DENND5B: variants seen among roughly 807,000 people sequenced by gnomAD.
DENND5B encodes the protein DENN domain containing 5B.
In DENND5B, 34 loss-of-function variants were observed where a neutral mutation model predicts 140.6. The observed-to-expected ratio is 0.24, with a 90% CI of 0.18 to 0.32. The LOEUF is 0.32. DENND5B is among the 10% of genes least tolerant of loss of function. DENND5B has a pLI of 1.00. For synonymous variants in DENND5B, 551 were observed against 562.1 expected (o/e 0.98, Z 0.28); for missense variants, 1,142 against 1,560.2 (o/e 0.73, Z 4.52).
intron 1 of DENND5B, among the ~76,000 whole-genome samples, chr12:31,509,746 C>A (rs1044204458): frequency 3.9e-5 from 6 of 152,030 alleles, no homozygotes; most frequent in Non-Finnish European, 7.4e-5. Context: ...ATGAAAGGTG[C>A]AATGGAAAGT....
rs753322078 is a variant in DENND5B at position 31,442,867 on chromosome 12, T to C, written c.1920A>G (p.Leu640=). ...TGCCTTGACCAATTTTCATATCAAG[T>C]AGATGTGGGTGGATTGCAGTGTGAT... ...KMDHTAIHPH[L]LDMKIGQGKY... The change falls in exon 7 of 21, where the codon CTA becomes CTG. Residue 640 remains leucine (L), a synonymous_variant. Transcript: ENST00000389082. 1.2e-6 allele frequency: 2 copies of C among 1,610,642 alleles called. No homozygotes were observed. Among genetic ancestry groups the C allele is most frequent in the Non-Finnish European group, 1.7e-6 (2 of 1,178,414 alleles).
At chr12:31,509,404 G>A (rs1465441669) in intron 1 of DENND5B, among the ~76,000 whole-genome samples, 1 of 152,180 alleles carries the variant, frequency 6.6e-6, no homozygotes, top group Non-Finnish European at 1.5e-5. Context: ...TCTAAGGGGA[G>A]AGACCCATAG....
intron 13 of DENND5B, among the ~76,000 whole-genome samples, chr12:31,410,907 T>C (rs1220496569): frequency 1.3e-5 from 2 of 152,186 alleles, no homozygotes; most frequent in Non-Finnish European, 2.9e-5. Context: ...ACATATAGTG[T>C]ATCTTAATAA....
intron 14 of DENND5B, among the ~76,000 whole-genome samples, chr12:31,406,893 G>A (rs1312758544): frequency 1.3e-5 from 2 of 151,878 alleles, no homozygotes; most frequent in Admixed American, 6.6e-5. Context: ...TCTGCCTCCC[G>A]GGTTCAAGTG....
At chr12:31,454,155 A>AAG (rs1464092231) in intron 4 of DENND5B, among the ~76,000 whole-genome samples, 3 of 151,976 alleles carry the variant, frequency 2.0e-5, no homozygotes, top group Non-Finnish European at 2.9e-5. Flanking sequence ...AAAAAAAAAA[A>AAG]AAAAAATTTC....
At chr12:31,448,138 T>G (rs1212082274) in intron 5 of DENND5B, among the ~76,000 whole-genome samples, 1 of 152,030 alleles carries the variant, frequency 6.6e-6, no homozygotes, top group Non-Finnish European at 1.5e-5. Flanking sequence ...TAATTTCGTT[T>G]TTTTTTTTTC....
intron 1 of DENND5B, among the ~76,000 whole-genome samples, chr12:31,580,226 T>TAA (rs916179733): frequency 6.6e-6 from 1 of 151,192 alleles, no homozygotes; most frequent in African/African-American, 2.4e-5. Context: ...CATGTTTGCT[T>TAA]AAAAAAAAAT....
intron 7 of DENND5B, among the ~76,000 whole-genome samples, chr12:31,434,739 T>C (rs1260099686): frequency 2.0e-5 from 3 of 152,196 alleles, no homozygotes; most frequent in African/African-American, 7.2e-5. Flanking sequence ...ACAAAGACTA[T>C]ATAGATAACT....
At chr12:31,579,845 A>C (rs1424305398) in intron 1 of DENND5B, among the ~76,000 whole-genome samples, 1 of 151,674 alleles carries the variant, frequency 6.6e-6, no homozygotes, top group African/African-American at 2.4e-5. Flanking sequence ...AGACAGTCCC[A>C]TATCAAAAAT....
chr12:31,523,263 A>T (rs74999123), intron 1 of DENND5B, among the ~76,000 whole-genome samples: 1 of 151,966 alleles, frequency 6.6e-6, no homozygotes, highest in African/African-American at 2.4e-5. Context: ...GGGGTTTGCC[A>T]TGTTGGCCAG....
At chr12:31,451,356 C>G (rs1944512203) in intron 5 of DENND5B, among the ~76,000 whole-genome samples, 1 of 152,076 alleles carries the variant, frequency 6.6e-6, no homozygotes, top group East Asian at 1.9e-4. Context: ...TGGAGTCTCT[C>G]TCTGTTGCCC....
rs576745510 is a variant in DENND5B, at chr12:31,549,722, C to G, written c.127+40984G>C. On this transcript the variant is annotated intron_variant, in intron 1 of 20. Coordinates refer to ENST00000389082, the MANE Select transcript of DENND5B (RefSeq NM_144973.4). ...CCCCATCCCAACCTCCAACAGACCC[C>G]AGTGTGTGTTGTTCCCCTCCCTGTG... Among the ~76,000 whole-genome samples, 7 of 152,224 alleles carry G rather than the reference C, an allele frequency of 4.6e-5. No homozygotes were observed. The South Asian group carries it at 1.2e-3, about 27-fold the overall frequency.
intron 3 of DENND5B, among the ~76,000 whole-genome samples, chr12:31,467,738 T>C (rs551993151): frequency 6.6e-6 from 1 of 152,292 alleles, no homozygotes; most frequent in Non-Finnish European, 1.5e-5. Flanking sequence ...TAAGCCACAA[T>C]GGGCATGGAG....
At chr12:31,543,263 T>A (rs575627476) in intron 1 of DENND5B, among the ~76,000 whole-genome samples, 1 of 152,124 alleles carries the variant, frequency 6.6e-6, no homozygotes, top group African/African-American at 2.4e-5. Context: ...AACTGCTACG[T>A]AGAGTTTCCA....
At chr12:31,456,283 C>T (rs1013884645) in intron 4 of DENND5B, among the ~76,000 whole-genome samples, 3 of 143,402 alleles carry the variant, frequency 2.1e-5, no homozygotes, top group Non-Finnish European at 3.0e-5. Flanking sequence ...TCAGCTGAGA[C>T]GGCGCCACTG....
In DENND5B at chr12:31,484,906, G is replaced by A. The variant is rs147973042; in HGVS notation, c.238-4651C>T. On this transcript the variant is annotated intron_variant, in intron 2 of 20. Coordinates refer to ENST00000389082, the MANE Select transcript of DENND5B (RefSeq NM_144973.4). The stretch of plus-strand genomic sequence containing the variant: ...CAACGAACCATTTCTCAATCAAATT[G>A]TCATGTGCAACAAAAAGTGGATTTC... Among the ~76,000 whole-genome samples the A allele has an allele frequency of 2.9e-3, 449 of 152,272 alleles. 4 individuals carry two copies. The highest frequency in any genetic ancestry group is 0.01 in the African/African-American group (428 of 41,536).
At chr12:31,501,149 C>T (rs1349298296) in intron 1 of DENND5B, among the ~76,000 whole-genome samples, 2 of 152,210 alleles carry the variant, frequency 1.3e-5, no homozygotes, top group Non-Finnish European at 2.9e-5. Flanking sequence ...AATCCCCACA[C>T]ACCGTGGGAG....
chr12:31,527,261 G>T (rs916380745), intron 1 of DENND5B, among the ~76,000 whole-genome samples: 1 of 152,110 alleles, frequency 6.6e-6, no homozygotes, highest in Non-Finnish European at 1.5e-5. Context: ...AGATCCTTGG[G>T]GGGAAGAGCT....
At chr12:31,477,314 C>T (rs562868650) in intron 3 of DENND5B, among the ~76,000 whole-genome samples, 1 of 152,214 alleles carries the variant, frequency 6.6e-6, no homozygotes, top group South Asian at 2.1e-4. Context: ...TAGCCATTCT[C>T]TAATCCCTAC....
Sources: allele counts gnomAD v4.1 joint callset (sites outside exome capture counted in the v4.1 genomes callset), GRCh38; gene constraint gnomAD v4.1.1; transcripts MANE v1.5; gene names NCBI Gene and HGNC (gene_info 2026-07-23, HGNC 2026-07-21).